The following PRKCI variants were observed in gnomAD, a reference collection of about 807,000 sequenced individuals.
The protein encoded by PRKCI is protein kinase C iota, also known as protein kinase C iota type.
PRKCI carries 43 observed loss-of-function variants against 84.0 expected under a neutral mutation model. The ratio of observed to expected loss-of-function variants is 0.51; its 90% CI spans 0.40 to 0.66. PRKCI has a LOEUF of 0.66. PRKCI is among the 30% of genes least tolerant of loss of function. The probability of loss-of-function intolerance (pLI) is 0.00; values close to 1 mark genes in which losing one functional copy is unlikely to be tolerated. For synonymous variants in PRKCI, 216 were observed against 234.4 expected, an observed-to-expected ratio of 0.92 and a Z score of 0.72; for missense variants, 459 against 745.6, an observed-to-expected ratio of 0.62 and a Z score of 4.48.
chr3:170,297,667 G>T (rs570372386), intron 16 of PRKCI, among the ~76,000 whole-genome samples: 2 of 151,630 alleles, frequency 1.3e-5, no homozygotes, highest in African/African-American at 4.8e-5. Flanking sequence ...TGTCGGCCAG[G>T]CTGGTCTCGA....
chr3:170,270,509 A>G lies in PRKCI; in HGVS notation c.539A>G (p.Lys180Arg). ...ATCAACTGCAAACTCTTGGTTCATA[A>G]GAAGTGCCATAAACTCGTCACAATT... ...KCINCKLLVH[K>R]KCHKLVTIEC... is the part of the protein sequence containing the mutation. The change falls in exon 6 of 18, where the codon AAG becomes AGG. Residue 180 changes from lysine to arginine, a missense_variant. Physicochemically the swap from Lys to Arg is conservative, Grantham distance 26. Around this residue, in one of 2 missense-constraint regions of PRKCI, gnomAD observed 250 missense variants for 319.7 expected, o/e 0.78. Coordinates refer to ENST00000295797, the MANE Select transcript of PRKCI (RefSeq NM_002740.6). 1 of 1,613,954 alleles carries G rather than the reference A, an allele frequency of 6.2e-7. No homozygotes were observed. The highest frequency in any genetic ancestry group is 8.5e-7 in the Non-Finnish European group (1 of 1,179,918).
At chr3:170,293,361 G>A (rs765912178) in intron 13 of PRKCI, 22 bp from the exon 14 acceptor site, 1 of 1,595,164 alleles carries the variant, frequency 6.3e-7, no homozygotes, top group Non-Finnish European at 8.5e-7. Flanking sequence ...ATAATTTATT[G>A]CTTTAAAATT....
chr3:170,242,669 TTTTTG>T (rs924370306), intron 2 of PRKCI, among the ~76,000 whole-genome samples: 3 of 151,970 alleles, frequency 2.0e-5, no homozygotes, highest in African/African-American at 7.3e-5. Context: ...ATTTCTTTTG[TTTTTG>T]TTTTGTTTTG....
At chr3:170,275,330 T>G in intron 8 of PRKCI, 43 bp downstream of exon 8, 1 of 1,559,688 alleles carries the variant, frequency 6.4e-7, no homozygotes, top group African/African-American at 1.4e-5. Flanking sequence ...ATTAGCTTTT[T>G]AATAAGGCTC....
chr3:170,276,630 A>C (rs1314996331), intron 8 of PRKCI, among the ~76,000 whole-genome samples: 1 of 152,016 alleles, frequency 6.6e-6, no homozygotes, highest in Non-Finnish European at 1.5e-5. Context: ...AATATACAAA[A>C]ATTTACTCAA....
intron 7 of PRKCI, among the ~76,000 whole-genome samples, chr3:170,274,267 G>A (rs182608115): frequency 6.6e-6 from 1 of 152,204 alleles, no homozygotes; most frequent in Non-Finnish European, 1.5e-5. Context: ...GAGCATCTGG[G>A]ATTACAGGTT....
intron 11 of PRKCI, among the ~76,000 whole-genome samples, chr3:170,282,970 T>G (rs1734289044): frequency 2.6e-5 from 4 of 151,788 alleles, no homozygotes; most frequent in Admixed American, 1.3e-4. Flanking sequence ...CCGGGCGTGG[T>G]GGCGGGCACC....
intron 1 of PRKCI, among the ~76,000 whole-genome samples, chr3:170,227,936 A>C (rs1380027160): frequency 6.6e-6 from 1 of 152,096 alleles, no homozygotes; most frequent in Non-Finnish European, 1.5e-5. Context: ...GATTCGGTGG[A>C]AATTTTAAGG....
At chr3:170,283,572 C>T (rs1734306006) in intron 11 of PRKCI, among the ~76,000 whole-genome samples, 1 of 152,002 alleles carries the variant, frequency 6.6e-6, no homozygotes, top group Non-Finnish European at 1.5e-5. Context: ...AAATGGTCAC[C>T]CTTCATAGAG....
intron 8 of PRKCI, among the ~76,000 whole-genome samples, chr3:170,275,997 G>T: frequency 6.8e-6 from 1 of 146,318 alleles, no homozygotes. Context: ...GCAGTGGTGT[G>T]ATTATGGCTC....
chr3:170,264,394 C>G lies in PRKCI; in HGVS notation c.364+965C>G, dbSNP rs571608927. ...TCTGGGGTTCAAGCAATTCTCCTGC[C>G]TCAGCCTCCTGAGTACCTGGGATTA... is the stretch of plus-strand genomic sequence containing the variant. On this transcript the variant is annotated intron_variant, in intron 4 of 17. Transcript: ENST00000295797. 2.6e-5 allele frequency among the ~76,000 whole-genome samples: 4 copies of G among 152,246 alleles called. No homozygotes were observed. The South Asian group carries it at 8.3e-4, about 32-fold the overall frequency.
In PRKCI at chr3:170,229,126, CATAT is replaced by C. The variant is rs1418847393; in HGVS notation, c.102-6103_102-6100del. On this transcript the variant is annotated intron_variant, in intron 1 of 17. Coordinates refer to ENST00000295797, the MANE Select transcript of PRKCI (RefSeq NM_002740.6). ...GTTAACAGTTAGGGATATTCTATAT[CATAT>C]CGGTATATTTATAAGTATAGATATG... 5.3e-5 allele frequency among the ~76,000 whole-genome samples: 8 copies of C among 152,240 alleles called. No homozygotes were observed. In the East Asian group the frequency reaches 1.5e-3, roughly 29 times the overall value.
chr3:170,299,492 G>C (rs1156392739), intron 17 of PRKCI, among the ~76,000 whole-genome samples: 1 of 152,224 alleles, frequency 6.6e-6, no homozygotes, highest in African/African-American at 2.4e-5. Flanking sequence ...CTCTTAAAGT[G>C]CTGGGATTAC....
chr3:170,293,349 G>A lies in PRKCI; in HGVS notation c.1292-34G>A, dbSNP rs776442058. ...TTACTAACTTTCAAGAATGCAAAGTGTATAATTTATTGCTTTAAAATTTCT... is the reference window on the plus strand; with the variant it reads ...TTACTAACTTTCAAGAATGCAAAGTATATAATTTATTGCTTTAAAATTTCT... On this transcript the variant is annotated intron_variant, in intron 13 of 17. Coordinates refer to ENST00000295797, the MANE Select transcript of PRKCI (RefSeq NM_002740.6). The A allele has an allele frequency of 7.6e-6, 12 of 1,582,404 alleles. No homozygotes were observed. In the Middle Eastern group the frequency reaches 6.2e-4, roughly 81 times the overall value.
chr3:170,255,541 A>G (rs1331323841), intron 2 of PRKCI, among the ~76,000 whole-genome samples: 2 of 152,148 alleles, frequency 1.3e-5, no homozygotes, highest in African/African-American at 4.8e-5. Context: ...TATCTGTTCT[A>G]ATAGTTTTTT....
At chr3:170,261,360 A>G (rs1733721323) in intron 3 of PRKCI, among the ~76,000 whole-genome samples, 1 of 151,986 alleles carries the variant, frequency 6.6e-6, no homozygotes, top group Admixed American at 6.6e-5. Context: ...GGAATCTTCT[A>G]AAAAAGTGAA....
chr3:170,301,947 A>G (rs1211953430), intron 17 of PRKCI, among the ~76,000 whole-genome samples: 1 of 152,102 alleles, frequency 6.6e-6, no homozygotes, highest in Non-Finnish European at 1.5e-5. Flanking sequence ...CTCTCACCAT[A>G]ATACAAACAG....
chr3:170,239,301 T>C lies in PRKCI; in HGVS notation c.223+3950T>C, dbSNP rs547492506. Among the ~76,000 whole-genome samples the C allele has an allele frequency of 5.2e-4, 79 of 152,330 alleles. 2 individuals carry two copies. In the South Asian group the frequency reaches 0.016, roughly 32 times the overall value. ...AAGATAGTTTAAATATGGTTACTTA[T>C]AAATGTCATGACTATCTCACAATAT... On this transcript the variant is annotated intron_variant, in intron 2 of 17. Transcript: ENST00000295797.
At chr3:170,277,630 C>G (rs1042224668) in intron 8 of PRKCI, among the ~76,000 whole-genome samples, 1 of 149,752 alleles carries the variant, frequency 6.7e-6, no homozygotes. Context: ...GGAGGCGGAG[C>G]TTGCAGTGAG....
Sources: gnomAD v4.1 joint callset for allele counts (sites outside exome capture counted in the v4.1 genomes callset) on GRCh38, gnomAD v4.1.1 for gene constraint, gnomAD v4.1.1 regional missense constraint, MANE v1.5 for transcripts, NCBI Gene and HGNC (gene_info 2026-07-23, HGNC 2026-07-21) for gene names.